USP45: variants seen among roughly 807,000 people sequenced by gnomAD.
USP45 encodes the protein ubiquitin specific peptidase 45, also known as ubiquitin carboxyl-terminal hydrolase 45.
USP45 carries 89 observed loss-of-function variants against 95.8 expected under a neutral mutation model. The ratio of observed to expected loss-of-function variants is 0.93; its 90% confidence interval spans 0.78 to 1.11. The LOEUF (loss-of-function observed/expected upper bound fraction) is 1.11. Ranked by LOEUF, USP45 falls within the 50% of genes least tolerant of loss-of-function variation. The probability of loss-of-function intolerance (pLI) is 0.00; values close to 1 mark genes in which losing one functional copy is unlikely to be tolerated. For synonymous variants in USP45, 281 were observed against 316.2 expected, an observed-to-expected ratio of 0.89 and a Z score of 1.18; for missense variants, 898 against 942.5, an observed-to-expected ratio of 0.95 and a Z score of 0.62.
intron 15 of USP45, among the ~76,000 whole-genome samples, chr6:99,441,488 C>T (rs1416506300): frequency 6.6e-6 from 1 of 151,566 alleles, no homozygotes. Flanking sequence ...GCCGAGATCG[C>T]GCCATTGCAC....
intron 4 of USP45, among the ~76,000 whole-genome samples, chr6:99,506,394 C>T (rs1798532765): frequency 6.6e-6 from 1 of 152,142 alleles, no homozygotes; most frequent in African/African-American, 2.4e-5. Context: ...TGGCAACCTC[C>T]ATCTCCCAGG....
intron 1 of USP45, among the ~76,000 whole-genome samples, chr6:99,513,695 G>C (rs1254915746): frequency 6.6e-6 from 1 of 152,108 alleles, no homozygotes; most frequent in Non-Finnish European, 1.5e-5. Flanking sequence ...AAATTAACTT[G>C]GTAATGTAGA....
At chr6:99,468,686 G>T (rs973082977) in intron 9 of USP45, 68 bp from the exon 10 acceptor site, 3 of 1,076,770 alleles carry the variant, frequency 2.8e-6, no homozygotes, top group Non-Finnish European at 4.1e-6. Flanking sequence ...CCTAATAAAA[G>T]TACTTTCAAA....
chr6:99,497,795 C>T (rs538991816), intron 5 of USP45, among the ~76,000 whole-genome samples: 1 of 152,090 alleles, frequency 6.6e-6, no homozygotes, highest in Non-Finnish European at 1.5e-5. Context: ...TCAAGTCTCA[C>T]CTCTCACCAT....
chr6:99,492,861 A>T (rs1428867786), intron 5 of USP45, among the ~76,000 whole-genome samples: 2 of 152,238 alleles, frequency 1.3e-5, no homozygotes, highest in Non-Finnish European at 2.9e-5. Context: ...AATTTTACTA[A>T]GGAGTACATT....
At chr6:99,460,088 T>C (rs1432236163) in intron 13 of USP45, among the ~76,000 whole-genome samples, 1 of 152,214 alleles carries the variant, frequency 6.6e-6, no homozygotes, top group Non-Finnish European at 1.5e-5. Context: ...TAACTTTCAT[T>C]TGTATTCACA....
intron 9 of USP45, among the ~76,000 whole-genome samples, chr6:99,473,027 C>CTT (rs67592484): frequency 6.7e-6 from 1 of 148,746 alleles, no homozygotes; most frequent in Non-Finnish European, 1.5e-5. Flanking sequence ...TTATAAATCT[C>CTT]TTTTTTTTTT....
Position 99,443,631 on chromosome 6 carries a change from G to T in USP45, c.2007C>A (p.Ala669=), listed in dbSNP as rs1432002976. The change falls in exon 15 of 18, where the codon GCC becomes GCA. Residue 669 remains alanine, a synonymous_variant. Transcript: ENST00000500704. ...CAGCAGAAATGAGCAATTGCTTCCTGGCATTAGTATAAACTCCTTCTACTT... is the reference window on the plus strand; with the variant it reads ...CAGCAGAAATGAGCAATTGCTTCCTTGCATTAGTATAAACTCCTTCTACTT... The part of the protein sequence containing the change: ...EKKVEGVYTN[A]RKQLLISAVP... 1 of 1,607,650 alleles carries T rather than the reference G, an allele frequency of 6.2e-7. No individual in the cohort carries two copies. The highest frequency in any genetic ancestry group is 8.5e-7 in the Non-Finnish European group (1 of 1,176,520).
chr6:99,494,819 G>A (rs553907636), intron 5 of USP45, among the ~76,000 whole-genome samples: 81 of 152,152 alleles, frequency 5.3e-4, no homozygotes, highest in African/African-American at 1.8e-3. Flanking sequence ...GTTTGAACCC[G>A]GGAGGCAGAG....
intron 5 of USP45, among the ~76,000 whole-genome samples, chr6:99,489,344 T>C (rs1472579488): frequency 1.3e-5 from 2 of 152,300 alleles, no homozygotes; most frequent in African/African-American, 4.8e-5. Context: ...GGTAGTATAA[T>C]AGATTATTAT....
At chr6:99,451,829 G>C (rs1040756032) in intron 13 of USP45, among the ~76,000 whole-genome samples, 1 of 152,174 alleles carries the variant, frequency 6.6e-6, no homozygotes, top group Non-Finnish European at 1.5e-5. Flanking sequence ...TACCAAAACA[G>C]AGATATAGAC....
At chr6:99,458,748 A>G (rs1269569635) in intron 13 of USP45, among the ~76,000 whole-genome samples, 1 of 152,248 alleles carries the variant, frequency 6.6e-6, no homozygotes, top group Admixed American at 6.5e-5. Flanking sequence ...GAACTAATCC[A>G]GAATTGAGTG....
intron 5 of USP45, among the ~76,000 whole-genome samples, chr6:99,500,610 T>A (rs968610332): frequency 2.0e-5 from 3 of 152,170 alleles, no homozygotes; most frequent in African/African-American, 4.8e-5. Context: ...TCATCACCCA[T>A]GCCATCATAT....
At chr6:99,460,764 A>G (rs1786241792) in intron 13 of USP45, 1 of 984,004 alleles carries the variant, frequency 1.0e-6, no homozygotes, top group Admixed American at 6.2e-5. Context: ...TTTTCTGAAT[A>G]TAACCCCAAT....
intron 2 of USP45, 127 bp from the exon 3 acceptor site, chr6:99,508,909 C>T: frequency 1.4e-6 from 1 of 721,034 alleles, no homozygotes; most frequent in Admixed American, 3.1e-5. Context: ...CACAAAATAA[C>T]TCAAAAGATA....
At chr6:99,495,214 A>G (rs1040199534) in intron 5 of USP45, among the ~76,000 whole-genome samples, 17 of 152,246 alleles carry the variant, frequency 1.1e-4, no homozygotes, top group Non-Finnish European at 1.5e-5. Context: ...AGAAATTCCA[A>G]AAAAATTTCA....
At chr6:99,472,062 A>C (rs1789531833) in intron 9 of USP45, among the ~76,000 whole-genome samples, 1 of 152,172 alleles carries the variant, frequency 6.6e-6, no homozygotes, top group Non-Finnish European at 1.5e-5. Flanking sequence ...CATTACGACT[A>C]AACAATAATT....
chr6:99,460,902 A>C (rs1786285290), intron 13 of USP45: 2 of 975,430 alleles, frequency 2.1e-6, no homozygotes, highest in African/African-American at 3.5e-5. Flanking sequence ...CATGAAAAGT[A>C]GAAACAGAAA....
intron 9 of USP45, 93 bp downstream of exon 9, chr6:99,476,050 C>T: frequency 1.7e-6 from 2 of 1,160,752 alleles, no homozygotes; most frequent in South Asian, 1.4e-5. Context: ...CTCCTGACCT[C>T]AGATGATCCA....
Sources: gnomAD v4.1 joint callset for allele counts (sites outside exome capture counted in the v4.1 genomes callset) on GRCh38, gnomAD v4.1.1 for gene constraint, MANE v1.5 for transcripts, NCBI Gene and HGNC (gene_info 2026-07-23, HGNC 2026-07-21) for gene names.